The following KCNIP4 variants were observed in gnomAD, a reference collection of about 807,000 sequenced individuals.
KCNIP4 encodes the protein Kv channel-interacting protein 4.
Under a neutral mutation model 34.0 loss-of-function variants are expected in KCNIP4, and 12 were observed. The observed-to-expected ratio is 0.35, with a 90% CI of 0.23 to 0.57. The LOEUF is 0.57. Among genes scored for constraint, KCNIP4 ranks in the 20% least tolerant of loss-of-function variants. The probability of loss-of-function intolerance (pLI) is 0.83; values close to 1 mark genes in which losing one functional copy is unlikely to be tolerated. For synonymous variants in KCNIP4, 124 were observed against 102.2 expected (o/e 1.21, Z -1.29); for missense variants, 238 against 311.7 (o/e 0.76, Z 1.78).
intron 1 of KCNIP4, among the ~76,000 whole-genome samples, chr4:21,865,589 G>A (rs1428710813): frequency 6.6e-6 from 1 of 151,924 alleles, no homozygotes; most frequent in Non-Finnish European, 1.5e-5. Flanking sequence ...TGTTGCCCAG[G>A]CTGGAGTGCA....
chr4:21,266,089 TTAGA>T (rs1321779519), intron 1 of KCNIP4, among the ~76,000 whole-genome samples: 1 of 152,170 alleles, frequency 6.6e-6, no homozygotes, highest in Non-Finnish European at 1.5e-5. Context: ...TTAAAGAGAT[TTAGA>T]TACTCACTTA....
At chr4:20,950,961 T>C (rs944633480) in intron 1 of KCNIP4, among the ~76,000 whole-genome samples, 1 of 152,166 alleles carries the variant, frequency 6.6e-6, no homozygotes, top group Non-Finnish European at 1.5e-5. Flanking sequence ...CCAAAATTCA[T>C]ATATTGAAGC....
chr4:21,638,417 T>C (rs1746378858), intron 1 of KCNIP4, among the ~76,000 whole-genome samples: 1 of 152,102 alleles, frequency 6.6e-6, no homozygotes, highest in Non-Finnish European at 1.5e-5. Context: ...TTTTTGGGGG[T>C]ATCCTTTAGA....
intron 1 of KCNIP4, among the ~76,000 whole-genome samples, chr4:21,122,874 T>TCTTC (rs745699759): frequency 1.8e-4 from 27 of 152,158 alleles, no homozygotes; most frequent in Non-Finnish European, 2.9e-4. Flanking sequence ...TCAAAGAGTT[T>TCTTC]CTTCTCTGGA....
intron 1 of KCNIP4, among the ~76,000 whole-genome samples, chr4:21,588,342 G>T (rs1248942521): frequency 6.6e-6 from 1 of 151,916 alleles, no homozygotes; most frequent in Non-Finnish European, 1.5e-5. Flanking sequence ...AGGAAAGTCT[G>T]AATAAATGTT....
intron 1 of KCNIP4, among the ~76,000 whole-genome samples, chr4:21,003,438 A>G (rs1269177309): frequency 6.6e-6 from 1 of 152,236 alleles, no homozygotes; most frequent in Non-Finnish European, 1.5e-5. Flanking sequence ...TATAAAAGCC[A>G]CTTTACCTAA....
intron 1 of KCNIP4, among the ~76,000 whole-genome samples, chr4:21,941,106 C>A (rs114746749): frequency 0.013 from 1,946 of 152,052 alleles, 16 homozygotes; most frequent in Middle Eastern, 0.02. Context: ...AAAATAAAAC[C>A]CCTGGCAGAA....
intron 1 of KCNIP4, among the ~76,000 whole-genome samples, chr4:20,908,144 G>A (rs1727968888): frequency 6.8e-6 from 1 of 148,004 alleles, no homozygotes; most frequent in Non-Finnish European, 1.5e-5. Flanking sequence ...CTGTGGCCCA[G>A]GCTAGAGTGC....
chr4:21,868,545 A>G (rs1299972087), intron 1 of KCNIP4, among the ~76,000 whole-genome samples: 1 of 152,230 alleles, frequency 6.6e-6, no homozygotes. Flanking sequence ...AAGTAAGAAT[A>G]GTAGCAACCT....
intron 1 of KCNIP4, among the ~76,000 whole-genome samples, chr4:21,946,059 T>C (rs1463742112): frequency 6.6e-6 from 1 of 150,476 alleles, no homozygotes; most frequent in Non-Finnish European, 1.5e-5. Flanking sequence ...ACGAACTTTT[T>C]AAACTAAATT....
chr4:21,069,083 A>G (rs1245287815), intron 1 of KCNIP4, among the ~76,000 whole-genome samples: 1 of 152,210 alleles, frequency 6.6e-6, no homozygotes, highest in Non-Finnish European at 1.5e-5. Flanking sequence ...TGTAAGGATT[A>G]AATAAATAAA....
intron 1 of KCNIP4, among the ~76,000 whole-genome samples, chr4:20,947,015 C>T (rs1447382343): frequency 6.6e-6 from 1 of 152,178 alleles, no homozygotes; most frequent in Non-Finnish European, 1.5e-5. Flanking sequence ...TGAACGTCCT[C>T]TTCTTGAGCC....
intron 1 of KCNIP4, among the ~76,000 whole-genome samples, chr4:21,120,491 T>A (rs12640372): frequency 0.14 from 21,484 of 152,276 alleles, 1,735 homozygotes; most frequent in East Asian, 0.23. Context: ...GAGGTTTATT[T>A]GACTCACAGT....
chr4:21,410,129 A>G (rs907535206), intron 1 of KCNIP4, among the ~76,000 whole-genome samples: 1 of 152,218 alleles, frequency 6.6e-6, no homozygotes, highest in Non-Finnish European at 1.5e-5. Flanking sequence ...TATACTTACT[A>G]TATTTTGTTC....
At chr4:20,905,505 C>CTT (rs1182454951) in intron 1 of KCNIP4, among the ~76,000 whole-genome samples, 3 of 37,030 alleles carry the variant, frequency 8.1e-5, no homozygotes, top group African/African-American at 2.2e-4. Flanking sequence ...TGAACGTTTT[C>CTT]TTTCTTTTTT....
chr4:21,388,896 G>T (rs1722279355), intron 1 of KCNIP4, among the ~76,000 whole-genome samples: 1 of 151,794 alleles, frequency 6.6e-6, no homozygotes, highest in African/African-American at 2.4e-5. Flanking sequence ...TAACTTGATA[G>T]ACATTTGGGT....
chr4:21,803,034 C>T (rs1721093769), intron 1 of KCNIP4, among the ~76,000 whole-genome samples: 1 of 152,126 alleles, frequency 6.6e-6, no homozygotes, highest in Admixed American at 6.6e-5. Context: ...CATGTCTTCC[C>T]TAGTACTTCA....
chr4:21,335,495 A>G (rs1171138223), intron 1 of KCNIP4, among the ~76,000 whole-genome samples: 1 of 152,196 alleles, frequency 6.6e-6, no homozygotes, highest in African/African-American at 2.4e-5. Flanking sequence ...ACCAGTTGCC[A>G]CCTTACACGT....
intron 1 of KCNIP4, among the ~76,000 whole-genome samples, chr4:21,389,586 A>G (rs973028196): frequency 7.9e-5 from 12 of 151,284 alleles, no homozygotes; most frequent in Non-Finnish European, 1.5e-5. Flanking sequence ...TTTGCTGAGA[A>G]TGATGGTTTC....
Sources: allele counts gnomAD v4.1 joint callset (sites outside exome capture counted in the v4.1 genomes callset), GRCh38; gene constraint gnomAD v4.1.1; transcripts MANE v1.5; gene names NCBI Gene and HGNC (gene_info 2026-07-23, HGNC 2026-07-21).